VPS13B: variants seen among roughly 807,000 people sequenced by gnomAD.
The protein encoded by VPS13B is intermembrane lipid transfer protein VPS13B.
Under a neutral mutation model 426.4 loss-of-function variants are expected in VPS13B, and 285 were observed. The ratio of observed to expected loss-of-function variants is 0.67; its 90% CI spans 0.61 to 0.74. The LOEUF (loss-of-function observed/expected upper bound fraction) is 0.74, where lower values mean the gene tolerates loss of function less well. VPS13B is among the 30% of genes least tolerant of loss of function. The pLI, the probability that VPS13B is intolerant of heterozygous loss-of-function variation, is 0.00. For synonymous variants in VPS13B, 1,676 were observed against 1,676.4 expected (o/e 1.00, Z 0.01); for missense variants, 4,537 against 4,782.6 (o/e 0.95, Z 1.51).
chr8:99,156,480 C>T (rs1811370920), intron 14 of VPS13B, 69 bp from the exon 15 acceptor site: 2 of 1,480,976 alleles, frequency 1.4e-6, no homozygotes, highest in Non-Finnish European at 9.4e-7. Context: ...CTGAAGCTTG[C>T]ATAGAGGGAA....
At chr8:99,538,572 CT>C (rs1273324336) in intron 30 of VPS13B, among the ~76,000 whole-genome samples, 1 of 152,068 alleles carries the variant, frequency 6.6e-6, no homozygotes, top group African/African-American at 2.4e-5. Context: ...CCAGTTTCAT[CT>C]TTTCCCGCAT....
intron 19 of VPS13B, among the ~76,000 whole-genome samples, chr8:99,363,667 C>T (rs961496570): frequency 1.3e-5 from 2 of 151,958 alleles, no homozygotes; most frequent in East Asian, 3.9e-4. Flanking sequence ...TTATAGTTTT[C>T]GTTGTAGAGG....
intron 33 of VPS13B, among the ~76,000 whole-genome samples, chr8:99,595,596 AAC>A (rs1826968505): frequency 6.6e-6 from 1 of 151,714 alleles, no homozygotes; most frequent in African/African-American, 2.4e-5. Context: ...AAATCACAAA[AAC>A]TAAAAAGAAA....
At chr8:99,265,593 G>C (rs1315320270) in intron 17 of VPS13B, among the ~76,000 whole-genome samples, 1 of 152,052 alleles carries the variant, frequency 6.6e-6, no homozygotes, top group Non-Finnish European at 1.5e-5. Context: ...CTTCTGCCAG[G>C]TGAGTGTCAG....
At chr8:99,046,708 G>A (rs993913061) in intron 3 of VPS13B, among the ~76,000 whole-genome samples, 1 of 152,056 alleles carries the variant, frequency 6.6e-6, no homozygotes, top group African/African-American at 2.4e-5. Flanking sequence ...TTACATTGAG[G>A]TATGTTACTT....
chr8:99,598,296 CT>C (rs1452633685), intron 33 of VPS13B, among the ~76,000 whole-genome samples: 55 of 151,880 alleles, frequency 3.6e-4, no homozygotes, highest in African/African-American at 1.3e-3. Flanking sequence ...TACATTTTAC[CT>C]GTTGTATTAT....
In VPS13B at chr8:99,828,394, G is replaced by GTTTTTTTTTTTTTTTTTTTTTTTTTTTTT. The variant is rs555108452; in HGVS notation, c.9331-3963_9331-3935dup. Among the ~76,000 whole-genome samples, 14 of 17,446 alleles carry GTTTTTTTTTTTTTTTTTTTTTTTTTTTTT rather than the reference G, an allele frequency of 8.0e-4. 4 individuals carry two copies. Among genetic ancestry groups the GTTTTTTTTTTTTTTTTTTTTTTTTTTTTT allele is most frequent in the South Asian group, 2.5e-3 (1 of 402 alleles). The allele number at this position is 17,446 out of a possible 152,430, so 11.4% of individuals were successfully genotyped here. A position where few individuals can be genotyped will look rare whatever the true frequency, so the allele number is the denominator to read the frequency against. On this transcript the variant is annotated intron_variant, in intron 51 of 61. Coordinates refer to ENST00000357162, the MANE Select transcript of VPS13B (RefSeq NM_152564.5). Reference sequence around the variant, plus strand: ...ATCAGAGACTAGGATTACAACCACCGTTTTTTTTTTTTTTTTTTTTTTTTT... The same window carrying GTTTTTTTTTTTTTTTTTTTTTTTTTTTTT: ...ATCAGAGACTAGGATTACAACCACCGTTTTTTTTTTTTTTTTTTTTTTTTTTTTTTTTTTTTTTTTTTTTTTTTTTTTTT...
chr8:99,673,783 T>C (rs931064783), intron 35 of VPS13B, among the ~76,000 whole-genome samples: 2 of 151,988 alleles, frequency 1.3e-5, no homozygotes, highest in African/African-American at 4.8e-5. Flanking sequence ...CTATATCCTT[T>C]AGGTTTAGGT....
Position 99,103,131 on chromosome 8 carries a change from A to G in VPS13B, c.580+11A>G. On this transcript the variant is annotated intron_variant, in intron 5 of 61. Transcript: ENST00000357162. ...TCATGGATATTTCTGGTGAGTAAAT[A>G]TGGAGAATACCGTATATTTTTCCAT... 1 of 1,613,616 alleles carries G rather than the reference A, an allele frequency of 6.2e-7. No individual in the cohort carries two copies. Among genetic ancestry groups the G allele is most frequent in the Non-Finnish European group, 8.5e-7 (1 of 1,179,624 alleles).
intron 17 of VPS13B, 144 bp from the exon 18 acceptor site, chr8:99,274,054 C>T (rs1016380261): frequency 4.2e-6 from 5 of 1,189,698 alleles, no homozygotes; most frequent in Non-Finnish European, 5.9e-6. Context: ...CTCTGAAATA[C>T]TAAACTATGA....
intron 54 of VPS13B, among the ~76,000 whole-genome samples, chr8:99,838,572 A>T (rs2130874543): frequency 6.6e-6 from 1 of 152,380 alleles, no homozygotes; most frequent in East Asian, 1.9e-4. Context: ...CATATGCCAG[A>T]CATTATAACT....
chr8:99,587,327 G>GGT (rs1458358457), intron 33 of VPS13B, among the ~76,000 whole-genome samples: 1 of 152,014 alleles, frequency 6.6e-6, no homozygotes, highest in Non-Finnish European at 1.5e-5. Context: ...TAATCCTATG[G>GGT]GTATATACCC....
At chr8:99,466,181 T>C (rs1440347594) in intron 23 of VPS13B, among the ~76,000 whole-genome samples, 2 of 152,086 alleles carry the variant, frequency 1.3e-5, no homozygotes, top group Non-Finnish European at 2.9e-5. Context: ...GGAAAAAATA[T>C]ATATGAAGGA....
intron 19 of VPS13B, among the ~76,000 whole-genome samples, chr8:99,373,717 C>G (rs1004499429): frequency 1.7e-4 from 26 of 151,980 alleles, no homozygotes; most frequent in African/African-American, 5.8e-4. Context: ...ATAAAAATAG[C>G]CGGGTATGGT....
At position 99,766,828 on chromosome 8, in the gene VPS13B, A is replaced by C; in HGVS notation, c.7105A>C (p.Arg2369=). ...ACTCCAGAAGGTTTTTGTTGCATTTAGAGAATTTAATCTGTCTGAAAGCAA... is the reference window on the plus strand; with the variant it reads ...ACTCCAGAAGGTTTTTGTTGCATTTCGAGAATTTAATCTGTCTGAAAGCAA... ...DELQKVFVAF[R]EFNLSESKVC... is the part of the protein sequence containing the mutation. Residue 2369 remains arginine, a synonymous_variant, in exon 40 of 62, where the codon AGA becomes CGA. Transcript: ENST00000357162. 6.2e-7 allele frequency: 1 copy of C among 1,614,032 alleles called. No individual in the cohort carries two copies. Among genetic ancestry groups the C allele is most frequent in the Non-Finnish European group, 8.5e-7 (1 of 1,179,972 alleles).
chr8:99,466,844 T>A (rs1819135074), intron 23 of VPS13B, among the ~76,000 whole-genome samples: 1 of 152,098 alleles, frequency 6.6e-6, no homozygotes, highest in African/African-American at 2.4e-5. Flanking sequence ...ACAGACCATA[T>A]TAGATTGTTT....
intron 25 of VPS13B, among the ~76,000 whole-genome samples, chr8:99,488,621 G>A (rs1488899917): frequency 1.3e-5 from 2 of 152,230 alleles, no homozygotes; most frequent in African/African-American, 4.8e-5. Flanking sequence ...CTTTAGACCA[G>A]CATTTTTATT....
At chr8:99,582,210 GTTTA>G (rs1049161139) in intron 33 of VPS13B, among the ~76,000 whole-genome samples, 22 of 152,296 alleles carry the variant, frequency 1.4e-4, no homozygotes, top group African/African-American at 5.1e-4. Context: ...ATGGGCATTA[GTTTA>G]TTTATTATAA....
chr8:99,340,029 G>C (rs1382245129), intron 19 of VPS13B, among the ~76,000 whole-genome samples: 1 of 152,172 alleles, frequency 6.6e-6, no homozygotes, highest in African/African-American at 2.4e-5. Flanking sequence ...ATTTCACTGT[G>C]AACGCAGTTG....
Sources: allele counts gnomAD v4.1 joint callset (sites outside exome capture counted in the v4.1 genomes callset), GRCh38; gene constraint gnomAD v4.1.1; transcripts MANE v1.5; gene names NCBI Gene and HGNC (gene_info 2026-07-23, HGNC 2026-07-21).